ABRACL: variants seen among roughly 807,000 people sequenced by gnomAD.
ABRACL encodes ABRA C-terminal like, also known as costars family protein ABRACL.
In ABRACL, 4 loss-of-function variants were observed where a neutral mutation model predicts 7.0. That is an observed-to-expected ratio of 0.57 (90% CI 0.28 to 1.30). The LOEUF (loss-of-function observed/expected upper bound fraction) is 1.30, where lower values mean the gene tolerates loss of function less well. Ranked by LOEUF, ABRACL falls within the 50% of genes most tolerant of loss-of-function variation. The probability of loss-of-function intolerance (pLI) is 0.10; values close to 1 mark genes in which losing one functional copy is unlikely to be tolerated. For synonymous variants in ABRACL, 30 were observed against 36.0 expected (o/e 0.83, Z 0.60); for missense variants, 104 against 97.3 (o/e 1.07, Z -0.29).
At chr6:139,028,977 G>C (rs1296699931) in intron 1 of ABRACL, 102 bp downstream of exon 1, 1 of 152,468 alleles carries the variant, frequency 6.6e-6, no homozygotes, top group African/African-American at 2.4e-5. Flanking sequence ...GTCGGGTCAG[G>C]AGGGGGCCGG....
chr6:139,032,002 C>T (rs1786088198), intron 1 of ABRACL, among the ~76,000 whole-genome samples: 1 of 152,064 alleles, frequency 6.6e-6, no homozygotes, highest in South Asian at 2.1e-4. Flanking sequence ...GCTCTGTCGC[C>T]CAGGTTGGAG....
chr6:139,040,898 T>C (rs1403676335), intron 2 of ABRACL, among the ~76,000 whole-genome samples: 1 of 152,172 alleles, frequency 6.6e-6, no homozygotes, highest in African/African-American at 2.4e-5. Context: ...GAGCCCCTGG[T>C]TGCTGATACT....
intron 2 of ABRACL, among the ~76,000 whole-genome samples, chr6:139,039,964 G>A (rs1334751254): frequency 6.6e-6 from 1 of 152,058 alleles, no homozygotes. Context: ...GTGCACGCCT[G>A]TAGTCCCAGC....
At chr6:139,034,114 T>G in intron 1 of ABRACL, 41 bp from the exon 2 acceptor site, 1 of 1,612,956 alleles carries the variant, frequency 6.2e-7, no homozygotes, top group African/African-American at 1.3e-5. Flanking sequence ...CTTAATGGAA[T>G]GTAATGGTGA....
At chr6:139,031,368 CAA>C (rs1178467856) in intron 1 of ABRACL, among the ~76,000 whole-genome samples, 2 of 152,190 alleles carry the variant, frequency 1.3e-5, no homozygotes, top group Non-Finnish European at 2.9e-5. Context: ...TAGAGGAACA[CAA>C]AGACTATTCA....
intron 2 of ABRACL, 93 bp from the exon 3 acceptor site, chr6:139,042,626 A>T: frequency 1.6e-6 from 2 of 1,220,692 alleles, no homozygotes; most frequent in African/African-American, 1.5e-5. Context: ...GATAGCCCAT[A>T]GTTATAAATT....
At position 139,036,472 on chromosome 6, in the gene ABRACL, C is replaced by T. The variant is rs77436399; in HGVS notation, c.61+2251C>T. Among the ~76,000 whole-genome samples, 586 of 152,084 alleles carry T rather than the reference C, an allele frequency of 3.9e-3. 1 individual carries two copies. Among genetic ancestry groups the T allele is most frequent in the African/African-American group, 0.013 (543 of 41,482 alleles). On this transcript the variant is annotated intron_variant, in intron 2 of 2. Transcript: ENST00000367660. ...AGTCACTCTATTTCTATATCAAACC[C>T]GAGTCGTCATTACTGAAATGTACCA... is the stretch of plus-strand genomic sequence containing the variant.
chr6:139,035,578 G>T (rs565297805), intron 2 of ABRACL, among the ~76,000 whole-genome samples: 2 of 152,016 alleles, frequency 1.3e-5, no homozygotes, highest in East Asian at 3.9e-4. Flanking sequence ...CGCCTCCCGG[G>T]TTCAAGCGAT....
intron 2 of ABRACL, among the ~76,000 whole-genome samples, chr6:139,037,190 A>G (rs1786172696): frequency 6.6e-6 from 1 of 151,958 alleles, no homozygotes; most frequent in Non-Finnish European, 1.5e-5. Flanking sequence ...GAAATCCATG[A>G]GTTGGTTTTT....
At chr6:139,037,695 T>C (rs1356308782) in intron 2 of ABRACL, among the ~76,000 whole-genome samples, 2 of 152,138 alleles carry the variant, frequency 1.3e-5, no homozygotes, top group African/African-American at 4.8e-5. Flanking sequence ...CTCCTGTTCC[T>C]CCTCCCACAC....
chr6:139,032,100 A>G (rs1179994022), intron 1 of ABRACL, among the ~76,000 whole-genome samples: 1 of 151,924 alleles, frequency 6.6e-6, no homozygotes, highest in Non-Finnish European at 1.5e-5. Context: ...AGCTGGGACT[A>G]CAGGCGCCCG....
intron 2 of ABRACL, among the ~76,000 whole-genome samples, chr6:139,041,081 T>C (rs1786236584): frequency 6.6e-6 from 1 of 152,164 alleles, no homozygotes; most frequent in Non-Finnish European, 1.5e-5. Context: ...AACTGAGGAC[T>C]ATTAGGTTTT....
intron 2 of ABRACL, among the ~76,000 whole-genome samples, chr6:139,039,950 G>C (rs965950837): frequency 6.6e-6 from 1 of 151,976 alleles, no homozygotes; most frequent in African/African-American, 2.4e-5. Context: ...AATTAAGTTT[G>C]GTGGTGCACG....
At chr6:139,037,323 C>T (rs1032201486) in intron 2 of ABRACL, among the ~76,000 whole-genome samples, 1 of 151,896 alleles carries the variant, frequency 6.6e-6, no homozygotes, top group Admixed American at 6.6e-5. Flanking sequence ...GCAGTGGCAC[C>T]ATCTTGGCTC....
chr6:139,029,233 G>A (rs1786040521), intron 1 of ABRACL, among the ~76,000 whole-genome samples: 2 of 152,180 alleles, frequency 1.3e-5, no homozygotes, highest in Admixed American at 6.5e-5. Context: ...AGAGCTGGGT[G>A]GGGAAGGGCT....
chr6:139,041,449 C>A (rs6905257), intron 2 of ABRACL, among the ~76,000 whole-genome samples: 2,171 of 81,608 alleles, frequency 0.027, 45 homozygotes, highest in African/African-American at 0.073. Context: ...CTCTCTCTCT[C>A]TCTATATATA....
At chr6:139,032,253 C>T (rs1478617622) in intron 1 of ABRACL, among the ~76,000 whole-genome samples, 2 of 152,208 alleles carry the variant, frequency 1.3e-5, no homozygotes, top group African/African-American at 4.8e-5. Context: ...CGCGAGCCAC[C>T]GCGCCCGGGC....
At chr6:139,034,604 C>A (rs201036781) in intron 2 of ABRACL, 9 of 210,934 alleles carry the variant, frequency 4.3e-5, no homozygotes, top group South Asian at 3.3e-4. Flanking sequence ...TCTTTTTTTT[C>A]AAATCATCTT....
intron 2 of ABRACL, chr6:139,034,595 CT>C (rs201080784): frequency 5.5e-5 from 29 of 523,194 alleles, no homozygotes; most frequent in South Asian, 1.0e-4. Context: ...TTACAAACTT[CT>C]TTTTTTTCAA....
Sources: gnomAD v4.1 joint callset for allele counts (sites outside exome capture counted in the v4.1 genomes callset) on GRCh38, gnomAD v4.1.1 for gene constraint, MANE v1.5 for transcripts, NCBI Gene and HGNC (gene_info 2026-07-23, HGNC 2026-07-21) for gene names.